IL1RAP: variants seen among roughly 807,000 people sequenced by gnomAD.
IL1RAP encodes interleukin-1 receptor accessory protein.
IL1RAP carries 35 observed loss-of-function variants against 60.7 expected under a neutral mutation model. The observed-to-expected ratio is 0.58, with a 90% CI of 0.44 to 0.76. IL1RAP has a LOEUF of 0.76. IL1RAP is among the 30% of genes least tolerant of loss of function. The pLI is 0.00. For synonymous variants in IL1RAP, 268 were observed against 250.9 expected (o/e 1.07, Z -0.64); for missense variants, 572 against 693.9 (o/e 0.82, Z 1.97).
At chr3:190,601,501 A>T (rs55818579) in intron 3 of IL1RAP, among the ~76,000 whole-genome samples, 2 of 152,086 alleles carry the variant, frequency 1.3e-5, no homozygotes, top group Non-Finnish European at 2.9e-5. Context: ...TCTTGGAAAA[A>T]CTAGTTGTTA....
chr3:190,634,728 T>TTTC (rs1733074414), intron 9 of IL1RAP, among the ~76,000 whole-genome samples: 1 of 148,076 alleles, frequency 6.8e-6, no homozygotes, highest in Non-Finnish European at 1.5e-5. Flanking sequence ...TGTTGTTGTT[T>TTTC]TTTTTGAGAA....
At chr3:190,627,810 C>CTTACATGAAT in intron 8 of IL1RAP, among the ~76,000 whole-genome samples, 1 of 152,108 alleles carries the variant, frequency 6.6e-6, no homozygotes, top group Non-Finnish European at 1.5e-5. Flanking sequence ...ATAAAAAGGT[C>CTTACATGAAT]ACAATCAAGG....
rs145783460 is a variant in IL1RAP, at chr3:190,525,370, G to C, written c.-89+11151G>C. 3.5e-3 allele frequency among the ~76,000 whole-genome samples: 532 copies of C among 152,268 alleles called. 4 individuals carry two copies. The highest frequency in any genetic ancestry group is 0.012 in the African/African-American group (500 of 41,548). Reference sequence around the variant, plus strand: ...ATAGGCCTGAGGTCGTCACTGAGGTGGTGGGCCAAGTAAGAGACAGTGAAG... The same window carrying C: ...ATAGGCCTGAGGTCGTCACTGAGGTCGTGGGCCAAGTAAGAGACAGTGAAG... On this transcript the variant is annotated intron_variant, in intron 1 of 11. Transcript: ENST00000447382.
intron 1 of IL1RAP, among the ~76,000 whole-genome samples, chr3:190,519,572 A>C (rs535125576): frequency 1.3e-5 from 2 of 152,146 alleles, no homozygotes; most frequent in East Asian, 3.9e-4. Flanking sequence ...TTGGAAACTC[A>C]TATAACCAGA....
chr3:190,577,315 G>A (rs901665776), intron 3 of IL1RAP, among the ~76,000 whole-genome samples: 1 of 152,112 alleles, frequency 6.6e-6, no homozygotes. Flanking sequence ...GTTGTTTGCC[G>A]GAGCTAGGTG....
intron 1 of IL1RAP, chr3:190,516,380 A>G (rs950769399): frequency 7.9e-5 from 12 of 152,290 alleles, no homozygotes; most frequent in African/African-American, 2.9e-4. Context: ...AAATAAGGTC[A>G]GATCATGAGG....
chr3:190,550,875 A>G (rs889500941), intron 1 of IL1RAP, among the ~76,000 whole-genome samples: 4 of 152,230 alleles, frequency 2.6e-5, no homozygotes, highest in South Asian at 4.1e-4. Flanking sequence ...AAAAAGAAAA[A>G]TCGTGGTAGG....
chr3:190,548,164 A>C (rs1028004911), intron 1 of IL1RAP, among the ~76,000 whole-genome samples: 1 of 152,164 alleles, frequency 6.6e-6, no homozygotes, highest in African/African-American at 2.4e-5. Flanking sequence ...GTGGATCTTG[A>C]TGGCTGTCAC....
chr3:190,587,440 C>A (rs945069986), intron 3 of IL1RAP, among the ~76,000 whole-genome samples: 2 of 152,202 alleles, frequency 1.3e-5, no homozygotes, highest in African/African-American at 4.8e-5. Flanking sequence ...GTGAATGGTA[C>A]TGGTAGTTCC....
At chr3:190,608,891 G>T in intron 4 of IL1RAP, 104 bp from the exon 5 acceptor site, 2 of 782,152 alleles carry the variant, frequency 2.6e-6, no homozygotes, top group Non-Finnish European at 4.1e-6. Context: ...ATGTATAAAT[G>T]ATGTCTCCGT....
chr3:190,655,941 T>C, downstream of IL1RAP: 1 of 1,537,416 alleles, frequency 6.5e-7, no homozygotes, highest in Non-Finnish European at 8.7e-7. Context: ...GGATGATTGT[T>C]GTTCTGAGCC....
chr3:190,585,101 G>T (rs1233722533), intron 3 of IL1RAP, among the ~76,000 whole-genome samples: 1 of 152,140 alleles, frequency 6.6e-6, no homozygotes, highest in Non-Finnish European at 1.5e-5. Context: ...ATACTTTGAG[G>T]CCCCGAAGAG....
downstream of IL1RAP, among the ~76,000 whole-genome samples, chr3:190,654,146 A>C (rs1734522148): frequency 6.6e-6 from 1 of 151,574 alleles, no homozygotes; most frequent in Non-Finnish European, 1.5e-5. Context: ...ATTGGCAAAA[A>C]CATACATTTT....
intron 9 of IL1RAP, among the ~76,000 whole-genome samples, chr3:190,641,530 A>G (rs1427567993): frequency 6.6e-6 from 1 of 152,230 alleles, no homozygotes; most frequent in Non-Finnish European, 1.5e-5. Flanking sequence ...TCTACAAAAT[A>G]CAGTCTGTAA....
intron 3 of IL1RAP, among the ~76,000 whole-genome samples, chr3:190,590,694 A>G (rs1015714823): frequency 1.3e-5 from 2 of 152,222 alleles, no homozygotes; most frequent in African/African-American, 4.8e-5. Context: ...TGACTTGACC[A>G]TATAGAACAC....
intron 3 of IL1RAP, among the ~76,000 whole-genome samples, chr3:190,595,432 C>T (rs756417364): frequency 1.3e-5 from 2 of 152,172 alleles, no homozygotes; most frequent in African/African-American, 2.4e-5. Context: ...TCCTTGTCTT[C>T]GTGACATTCA....
At chr3:190,605,240 A>G (rs1328435466) in intron 4 of IL1RAP, among the ~76,000 whole-genome samples, 1 of 152,034 alleles carries the variant, frequency 6.6e-6, no homozygotes, top group African/African-American at 2.4e-5. Context: ...TTTCTTTTCA[A>G]TCCACTTTTT....
At chr3:190,604,740 C>T (rs1221540880) in intron 4 of IL1RAP, among the ~76,000 whole-genome samples, 1 of 152,066 alleles carries the variant, frequency 6.6e-6, no homozygotes, top group Non-Finnish European at 1.5e-5. Context: ...TCCATTTCTC[C>T]AGACATTGAA....
chr3:190,627,295 T>C (rs765662095), intron 7 of IL1RAP, 28 bp from the exon 8 acceptor site: 50 of 1,480,630 alleles, frequency 3.4e-5, no homozygotes, highest in Non-Finnish European at 3.8e-5. Context: ...TTTTTTGTTT[T>C]TTTTGTTTTT....
Sources: gnomAD v4.1 joint callset for allele counts (sites outside exome capture counted in the v4.1 genomes callset) on GRCh38, gnomAD v4.1.1 for gene constraint, MANE v1.5 for transcripts, NCBI Gene and HGNC (gene_info 2026-07-23, HGNC 2026-07-21) for gene names.